ARFGEF2: variants seen among roughly 807,000 people sequenced by gnomAD.
ARFGEF2 encodes the protein brefeldin A-inhibited guanine nucleotide-exchange protein 2.
A neutral mutation model predicts 219.9 loss-of-function variants in ARFGEF2; 74 were observed. The ratio of observed to expected loss-of-function variants is 0.34; its 90% CI spans 0.28 to 0.41. ARFGEF2 has a LOEUF of 0.41. Among genes scored for constraint, ARFGEF2 ranks in the 10% least tolerant of loss-of-function variants. The pLI, the probability that ARFGEF2 is intolerant of heterozygous loss-of-function variation, is 1.00. For synonymous variants in ARFGEF2, 733 were observed against 799.2 expected (o/e 0.92, Z 1.40); for missense variants, 1,743 against 2,218.3 (o/e 0.79, Z 4.30).
chr20:48,960,053 GA>G (rs2091136525), intron 6 of ARFGEF2, among the ~76,000 whole-genome samples: 1 of 152,186 alleles, frequency 6.6e-6, no homozygotes, highest in Admixed American at 6.5e-5. Context: ...TAACAACAGG[GA>G]TACGTTCTGA....
In ARFGEF2 at chr20:48,995,784, T is replaced by C; in HGVS notation, c.3123T>C (p.Gly1041=). The stretch of plus-strand genomic sequence containing the variant: ...CTGATTTTGTGCATTGTGTTTCAGG[T>C]AATTTGGTGAGTGGCGGAGTGGATA... The part of the protein sequence containing the change: ...AGEEFMGLGL[G]NLVSGGVDKR... The change falls in exon 23 of 39, where the codon GGT becomes GGC. Residue 1041 remains glycine (G), a splice_region_variant and synonymous_variant. Coordinates refer to ENST00000371917, the MANE Select transcript of ARFGEF2 (RefSeq NM_006420.3). The C allele has an allele frequency of 6.2e-7, 1 of 1,614,018 alleles. No individual in the cohort carries two copies. The highest frequency in any genetic ancestry group is 8.5e-7 in the Non-Finnish European group (1 of 1,179,894).
At chr20:48,989,204 G>C in intron 18 of ARFGEF2, 81 bp from the exon 19 acceptor site, 3 of 1,465,140 alleles carry the variant, frequency 2.0e-6, no homozygotes. Flanking sequence ...GTTAATCATT[G>C]TGCATCTTTT....
rs549721823 is a variant in ARFGEF2 at position 48,993,500 on chromosome 20, T to G, written c.2974-951T>G. Among the ~76,000 whole-genome samples, 4 of 152,352 alleles carry G rather than the reference T, an allele frequency of 2.6e-5. No individual in the cohort carries two copies. In the South Asian group the frequency reaches 8.3e-4, roughly 32 times the overall value. On this transcript the variant is annotated intron_variant, in intron 21 of 38. Transcript: ENST00000371917. The stretch of plus-strand genomic sequence containing the variant: ...TATAAGTAAAGATACTCGGCAGTGC[T>G]CAGTGGTATAGTGGAGTCCTGGACT...
chr20:48,994,857 A>G (rs1889466195), intron 22 of ARFGEF2, among the ~76,000 whole-genome samples: 1 of 152,096 alleles, frequency 6.6e-6, no homozygotes, highest in Non-Finnish European at 1.5e-5. Context: ...GAGAAAAACC[A>G]TTTGCTTTAA....
chr20:49,018,645 G>A (rs1265418890), intron 33 of ARFGEF2, among the ~76,000 whole-genome samples: 1 of 152,198 alleles, frequency 6.6e-6, no homozygotes, highest in East Asian at 1.9e-4. Flanking sequence ...GTAGAGAAAT[G>A]TCCTCTGGGT....
At position 49,035,968 on chromosome 20, in the gene ARFGEF2, C is replaced by T. The variant is rs57763588; in HGVS notation, c.*2769C>T. On this transcript the variant is annotated 3_prime_UTR_variant, in exon 39 of 39. Transcript: ENST00000371917. ...ATATCTGGAAACACAACATTTTCCTCTGGCAGGTGACTTTTGTACGAAATG... is the reference window on the plus strand; with the variant it reads ...ATATCTGGAAACACAACATTTTCCTTTGGCAGGTGACTTTTGTACGAAATG... 11 of 389,318 alleles carry T rather than the reference C, an allele frequency of 2.8e-5. No homozygotes were observed. The highest frequency in any genetic ancestry group is 1.4e-5 in the Non-Finnish European group (3 of 222,060). The allele number at this position is 389,318 out of a possible 1,614,324, so 24.1% of individuals were successfully genotyped here. A position where few individuals can be genotyped will look rare whatever the true frequency, so the allele number is the denominator to read the frequency against.
At chr20:49,000,964 C>A (rs1393848061) in intron 25 of ARFGEF2, among the ~76,000 whole-genome samples, 1 of 151,802 alleles carries the variant, frequency 6.6e-6, no homozygotes, top group African/African-American at 2.4e-5. Flanking sequence ...AGGTGGGAAC[C>A]AGACATTTAA....
rs1317866404 is a variant in ARFGEF2 at position 48,995,834 on chromosome 20, A to T, written c.3173A>T (p.Glu1058Val). 6.2e-7 allele frequency: 1 copy of T among 1,614,074 alleles called. No individual in the cohort carries two copies. The highest frequency in any genetic ancestry group is 1.3e-5 in the African/African-American group (1 of 74,928). The change falls in exon 23 of 39, where the codon GAA becomes GTA. Residue 1058 changes from glutamate (E) to valine (V), a missense_variant. Around this residue, in one of 5 missense-constraint regions of ARFGEF2, gnomAD observed 666 missense variants for 955.4 expected, o/e 0.70. Transcript: ENST00000371917. Reference protein sequence around the residue: ...VDKRQMASFQESVGETSSQSV... With the variant: ...VDKRQMASFQVSVGETSSQSV... ...AAAAGACAGATGGCCAGCTTCCAAG[A>T]ATCGGTTGGTGAGACCAGCTCGCAG...
At chr20:49,024,994 A>AAAT (rs766187300) in intron 35 of ARFGEF2, among the ~76,000 whole-genome samples, 111 of 152,020 alleles carry the variant, frequency 7.3e-4, no homozygotes, top group Non-Finnish European at 1.2e-3. Context: ...TCTTGTCTCA[A>AAAT]AATAATAATA....
In ARFGEF2 at chr20:49,035,540, GAATA is replaced by G. The variant is rs1568751001; in HGVS notation, c.*2345_*2348del. 1 of 152,144 alleles carries G rather than the reference GAATA, an allele frequency of 6.6e-6. No homozygotes were observed. The highest frequency in any genetic ancestry group is 1.5e-5 in the Non-Finnish European group (1 of 68,032). The allele number at this position is 152,144 out of a possible 1,614,324, so 9.4% of individuals were successfully genotyped here. A position where few individuals can be genotyped will look rare whatever the true frequency, so the allele number is the denominator to read the frequency against. On this transcript the variant is annotated 3_prime_UTR_variant, in exon 39 of 39. Coordinates refer to ENST00000371917, the MANE Select transcript of ARFGEF2 (RefSeq NM_006420.3). ...CCATTCAGCCTAAATTCATTTTTAT[GAATA>G]AATCTCTTCTTTCTCATGGTAAATG...
At position 48,994,588 on chromosome 20, in the gene ARFGEF2, C is replaced by T; in HGVS notation, c.3111C>T (p.Gly1037=). The change falls in exon 22 of 39, where the codon GGC becomes GGT. Residue 1037 remains glycine (G), a synonymous_variant. Transcript: ENST00000371917. Reference sequence around the variant, plus strand: ...CATTGGCAGGAGAAGAGTTCATGGGCCTTGGCCTCGGTAAGACACCAGGCC... The same window carrying T: ...CATTGGCAGGAGAAGAGTTCATGGGTCTTGGCCTCGGTAAGACACCAGGCC... ...GHTLAGEEFM[G]LGLGNLVSGG... The T allele has an allele frequency of 6.2e-7, 1 of 1,613,816 alleles. No homozygotes were observed. Among genetic ancestry groups the T allele is most frequent in the African/African-American group, 1.3e-5 (1 of 75,028 alleles).
At chr20:48,991,498 T>C (rs2091357436) in intron 21 of ARFGEF2, among the ~76,000 whole-genome samples, 1 of 151,464 alleles carries the variant, frequency 6.6e-6, no homozygotes, top group Non-Finnish European at 1.5e-5. Flanking sequence ...TATGTACCTC[T>C]TGGGAGCTTG....
chr20:48,978,463 G>C (rs968845909), intron 14 of ARFGEF2, among the ~76,000 whole-genome samples: 1 of 152,028 alleles, frequency 6.6e-6, no homozygotes, highest in Admixed American at 6.6e-5. Context: ...GCTCTTTTTC[G>C]GTTCCATATG....
In ARFGEF2 at chr20:48,925,371, C is replaced by T. The variant is rs924906233; in HGVS notation, c.121+3361C>T. 9.8e-5 allele frequency among the ~76,000 whole-genome samples: 15 copies of T among 152,290 alleles called. 1 individual carries two copies. Among genetic ancestry groups the T allele is most frequent in the South Asian group, 8.3e-4 (4 of 4,824 alleles). On this transcript the variant is annotated intron_variant, in intron 1 of 38. Transcript: ENST00000371917. ...TTGATATATATTAATAATCTTCAAC[C>T]TTTCAGCCCTCTGTTGGAGAATATA...
chr20:49,033,012 C>A lies in ARFGEF2; in HGVS notation c.5182-11C>A, dbSNP rs1351161283. 6.2e-7 allele frequency: 1 copy of A among 1,613,884 alleles called. No individual in the cohort carries two copies. Among genetic ancestry groups the A allele is most frequent in the South Asian group, 1.1e-5 (1 of 91,044 alleles). On this transcript the variant is annotated splice_polypyrimidine_tract_variant and intron_variant, in intron 38 of 38. Coordinates refer to ENST00000371917, the MANE Select transcript of ARFGEF2 (RefSeq NM_006420.3). ...ATTGTCTAATTTTATCTGTTTCTCTCCCACCTCAAGTTCAAAGCACATGCT... is the reference window on the plus strand; with the variant it reads ...ATTGTCTAATTTTATCTGTTTCTCTACCACCTCAAGTTCAAAGCACATGCT...
chr20:48,987,722 G>A (rs1600636015), intron 16 of ARFGEF2, among the ~76,000 whole-genome samples: 2 of 152,198 alleles, frequency 1.3e-5, no homozygotes, highest in African/African-American at 4.8e-5. Context: ...GGCCCCAGAT[G>A]CTTCTTAGAG....
At chr20:49,029,141 T>TG (rs1301995911) in intron 37 of ARFGEF2, among the ~76,000 whole-genome samples, 2 of 152,134 alleles carry the variant, frequency 1.3e-5, no homozygotes, top group Non-Finnish European at 2.9e-5. Flanking sequence ...AATCCACCAA[T>TG]GGGGAGAGAG....
In ARFGEF2 at chr20:49,014,814, C is replaced by A. The variant is rs115312683; in HGVS notation, c.4179+854C>A. On this transcript the variant is annotated intron_variant, in intron 30 of 38. Transcript: ENST00000371917. ...CATAGTATAGATAGAGTTTTCTAAT[C>A]TTTTTAAATTTAAATATGTTTTTCC... Among the ~76,000 whole-genome samples the A allele has an allele frequency of 7.7e-3, 1,175 of 152,200 alleles. 18 individuals carry two copies. The highest frequency in any genetic ancestry group is 0.026 in the African/African-American group (1,079 of 41,510).
chr20:48,937,552 G>T (rs1013397865), intron 1 of ARFGEF2, among the ~76,000 whole-genome samples: 3 of 152,162 alleles, frequency 2.0e-5, no homozygotes, highest in African/African-American at 7.2e-5. Context: ...CTGGCCTCAA[G>T]ATTTTTTTTT....
Sources: gnomAD v4.1 joint callset for allele counts (sites outside exome capture counted in the v4.1 genomes callset) on GRCh38, gnomAD v4.1.1 for gene constraint, gnomAD v4.1.1 regional missense constraint, MANE v1.5 for transcripts, NCBI Gene and HGNC (gene_info 2026-07-23, HGNC 2026-07-21) for gene names.